Variants in ITPR1 observed in about 807,000 individuals in gnomAD.
The protein encoded by ITPR1 is inositol 1,4,5-trisphosphate receptor type 1, also known as inositol 1,4,5-trisphosphate-gated calcium channel ITPR1.
Under a neutral mutation model 318.4 loss-of-function variants are expected in ITPR1, and 96 were observed. The observed-to-expected ratio is 0.30, with a 90% CI of 0.26 to 0.36. The LOEUF (loss-of-function observed/expected upper bound fraction) is 0.36, where lower values mean the gene tolerates loss of function less well. ITPR1 is among the 10% of genes least tolerant of loss of function. ITPR1 has a pLI of 1.00. For synonymous variants in ITPR1, 1,312 were observed against 1,289.9 expected, an observed-to-expected ratio of 1.02 and a Z score of -0.37; for missense variants, 2,440 against 3,460.2, an observed-to-expected ratio of 0.71 and a Z score of 7.40.
intron 60 of ITPR1, among the ~76,000 whole-genome samples, chr3:4,824,494 T>C (rs2049939903): frequency 6.6e-6 from 1 of 152,176 alleles, no homozygotes; most frequent in African/African-American, 2.4e-5. Flanking sequence ...CGCATGTGGT[T>C]ACCTGTGTGC....
At chr3:4,565,837 G>C (rs1211839064) in intron 4 of ITPR1, among the ~76,000 whole-genome samples, 1 of 152,188 alleles carries the variant, frequency 6.6e-6, no homozygotes, top group Non-Finnish European at 1.5e-5. Flanking sequence ...ATGTCCAAGT[G>C]GTTTGAAAAG....
chr3:4,824,326 G>C (rs149863949), intron 60 of ITPR1, among the ~76,000 whole-genome samples: 23 of 152,310 alleles, frequency 1.5e-4, no homozygotes, highest in African/African-American at 5.3e-4. Context: ...TCACAGCATG[G>C]TAGGTGGTAC....
chr3:4,571,827 G>A (rs967116878), intron 4 of ITPR1, among the ~76,000 whole-genome samples: 22 of 152,142 alleles, frequency 1.4e-4, no homozygotes, highest in Non-Finnish European at 2.2e-4. Context: ...ACTGCTAGAT[G>A]TTAGACTTTG....
chr3:4,651,277 G>A (rs2093592627), intron 10 of ITPR1, among the ~76,000 whole-genome samples: 1 of 152,170 alleles, frequency 6.6e-6, no homozygotes, highest in African/African-American at 2.4e-5. Context: ...AGCCTCCTGT[G>A]CAGACTTCCA....
intron 2 of ITPR1, among the ~76,000 whole-genome samples, chr3:4,498,505 T>C (rs1044520101): frequency 3.9e-5 from 6 of 152,140 alleles, no homozygotes; most frequent in Admixed American, 1.3e-4. Flanking sequence ...ATTTTGCAGG[T>C]CAACAGTGGT....
At chr3:4,574,254 A>G (rs2088372748) in intron 4 of ITPR1, among the ~76,000 whole-genome samples, 1 of 150,330 alleles carries the variant, frequency 6.7e-6, no homozygotes, top group Non-Finnish European at 1.5e-5. Context: ...ATTGATGGGA[A>G]TTATTTGCCT....
intron 4 of ITPR1, among the ~76,000 whole-genome samples, chr3:4,613,323 C>A (rs1346035488): frequency 6.6e-6 from 1 of 152,218 alleles, no homozygotes; most frequent in Non-Finnish European, 1.5e-5. Flanking sequence ...ATACATTTGT[C>A]TCAGGTGACC....
intron 2 of ITPR1, among the ~76,000 whole-genome samples, chr3:4,514,683 C>T (rs1259218987): frequency 6.6e-6 from 1 of 152,096 alleles, no homozygotes; most frequent in Non-Finnish European, 1.5e-5. Context: ...TTTCGGGATG[C>T]CAGGGTGTAC....
rs768032815 is a variant in ITPR1 at position 4,813,188 on chromosome 3, T to G, written c.7515T>G (p.Cys2505Trp). The change falls in exon 57 of 62, where the codon TGT becomes TGG. Residue 2505 changes from cysteine to tryptophan, a missense_variant. Transcript: ENST00000649015. ...GCGAGTTCCTGTTCTCCGATGTGTG[T>G]AGGGTGGAGAGTGGGGAGAACTGCT... ...LASEFLFSDV[C>W]RVESGENCSS... 4 of 1,613,818 alleles carry G rather than the reference T, an allele frequency of 2.5e-6. No homozygotes were observed. In the African/African-American group the frequency reaches 5.3e-5, roughly 22 times the overall value.
At chr3:4,727,242 C>A in intron 42 of ITPR1, 69 bp downstream of exon 42, 1 of 1,127,338 alleles carries the variant, frequency 8.9e-7, no homozygotes, top group Non-Finnish European at 1.3e-6. Context: ...ATCAGCCACA[C>A]ACTGTGATTG....
chr3:4,597,554 T>C (rs1045615227), intron 4 of ITPR1, among the ~76,000 whole-genome samples: 1 of 152,264 alleles, frequency 6.6e-6, no homozygotes, highest in East Asian at 1.9e-4. Flanking sequence ...AGATGACTTC[T>C]GGCTGGCATC....
Position 4,843,496 on chromosome 3 carries a change from A to T in ITPR1, c.8191-2643A>T, listed in dbSNP as rs1822223. 3.0e-4 allele frequency among the ~76,000 whole-genome samples: 46 copies of T among 152,264 alleles called. No homozygotes were observed. In the East Asian group the frequency reaches 4.4e-3, roughly 15 times the overall value. On this transcript the variant is annotated intron_variant, in intron 61 of 61. Transcript: ENST00000649015. ...ACATCATCTGGGAAATCGTTAGAAA[A>T]GCAGATTCATGGGACCTACCCCAGA...
intron 52 of ITPR1, among the ~76,000 whole-genome samples, chr3:4,793,566 A>G (rs1402146094): frequency 3.9e-5 from 6 of 152,252 alleles, no homozygotes; most frequent in Non-Finnish European, 8.8e-5. Flanking sequence ...TCTAGAGCAG[A>G]TAAATGTCTC....
intron 60 of ITPR1, 32 bp downstream of exon 60, chr3:4,818,274 G>A (rs2049437399): frequency 1.3e-6 from 2 of 1,541,532 alleles, no homozygotes; most frequent in East Asian, 2.3e-5. Flanking sequence ...GAGCAAGGTG[G>A]ACTTGGGGCC....
At chr3:4,631,072 G>A (rs2125134286) in intron 5 of ITPR1, among the ~76,000 whole-genome samples, 1 of 152,316 alleles carries the variant, frequency 6.6e-6, no homozygotes, top group East Asian at 1.9e-4. Flanking sequence ...GTGAAAACAT[G>A]GGAACTTCCC....
At chr3:4,762,300 A>G (rs1332130325) in intron 44 of ITPR1, among the ~76,000 whole-genome samples, 3 of 152,246 alleles carry the variant, frequency 2.0e-5, no homozygotes, top group Non-Finnish European at 4.4e-5. Flanking sequence ...GAAAGCAGTC[A>G]GTGAGTGTTA....
In ITPR1 at chr3:4,521,243, A is replaced by G. The variant is rs78200335; in HGVS notation, c.163+149A>G. ...TATGATTTGAGTTCTAAGCTTTACA[A>G]CTTGAAAAATGCATACATAAATTTA... On this transcript the variant is annotated intron_variant, in intron 4 of 61. Transcript: ENST00000649015. 2,604 of 640,520 alleles carry G rather than the reference A, an allele frequency of 4.1e-3. 60 individuals carry two copies. The African/African-American group carries it at 0.043, about 11-fold the overall frequency. 39.7% of individuals were successfully genotyped at this position (640,520 alleles called of 1,614,324 possible).
At chr3:4,711,501 T>G in intron 38 of ITPR1, 1 of 391,912 alleles carries the variant, frequency 2.6e-6, no homozygotes, top group Admixed American at 4.2e-5. Flanking sequence ...CTCCTCTCCA[T>G]ATAATCTCTC....
intron 24 of ITPR1, among the ~76,000 whole-genome samples, chr3:4,678,356 T>C (rs1180338218): frequency 6.6e-6 from 1 of 152,202 alleles, no homozygotes; most frequent in Non-Finnish European, 1.5e-5. Context: ...TTGCAGGCCA[T>C]GGTCCATGTG....
Sources: gnomAD v4.1 joint callset for allele counts (sites outside exome capture counted in the v4.1 genomes callset) on GRCh38, gnomAD v4.1.1 for gene constraint, MANE v1.5 for transcripts, NCBI Gene and HGNC (gene_info 2026-07-23, HGNC 2026-07-21) for gene names.